TENM1: variants seen among roughly 807,000 people sequenced by gnomAD.
The protein encoded by TENM1 is teneurin transmembrane protein 1.
TENM1 carries 35 observed loss-of-function variants against 174.8 expected under a neutral mutation model. That is an observed-to-expected ratio of 0.20 (90% CI 0.15 to 0.27). The LOEUF (loss-of-function observed/expected upper bound fraction) is 0.27. Among genes scored for constraint, TENM1 ranks in the 10% least tolerant of loss-of-function variants. The probability of loss-of-function intolerance (pLI) is 1.00; values close to 1 mark genes in which losing one functional copy is unlikely to be tolerated. For synonymous variants in TENM1, 781 were observed against 798.7 expected, an observed-to-expected ratio of 0.98 and a Z score of 0.37; for missense variants, 1,633 against 2,130.1, an observed-to-expected ratio of 0.77 and a Z score of 4.59.
At chrX:124,599,981 T>C (rs929645164) in intron 11 of TENM1, among the ~76,000 whole-genome samples, 5 of 109,901 alleles carry the variant, frequency 4.5e-5, no homozygotes, top group African/African-American at 1.7e-4. Context: ...GATATATAAA[T>C]AGATAAAAAG....
chrX:124,396,304 C>CTTTTTTTTTTTTTTTTTT (rs1257692658), intron 27 of TENM1, among the ~76,000 whole-genome samples: 5 of 70,467 alleles, frequency 7.1e-5, no homozygotes, highest in Non-Finnish European at 1.0e-4. Context: ...CTCTCCCAAC[C>CTTTTTTTTTTTTTTTTTT]TTTTTTTTTT....
chrX:124,913,681 A>G (rs1421736346), intron 1 of TENM1, among the ~76,000 whole-genome samples: 1 of 111,967 alleles, frequency 8.9e-6, no homozygotes, highest in Non-Finnish European at 1.9e-5. Flanking sequence ...AAATAAAGAC[A>G]ACAAAATTAT....
chrX:125,056,723 C>A, the TENM1 span, among the ~76,000 whole-genome samples: 4 of 110,934 alleles, frequency 3.6e-5, no homozygotes, highest in African/African-American at 6.6e-5. Context: ...TTCAAATGAA[C>A]TCCAGCTCCG....
chrX:125,137,376 T>C, the TENM1 span, among the ~76,000 whole-genome samples: 2 of 109,635 alleles, frequency 1.8e-5, no homozygotes, highest in Non-Finnish European at 3.8e-5. Flanking sequence ...CATTTTAAAA[T>C]GAGGCCCAGT....
At chrX:125,091,370 G>A in the TENM1 span, among the ~76,000 whole-genome samples, 24 of 111,588 alleles carry the variant, frequency 2.2e-4, no homozygotes, top group Non-Finnish European at 3.6e-4. Context: ...TGGCTATTGG[G>A]TGGAATGAGA....
At chrX:125,196,025 G>C in the TENM1 span, among the ~76,000 whole-genome samples, 1 of 106,105 alleles carries the variant, frequency 9.4e-6, no homozygotes, top group African/African-American at 3.5e-5. Flanking sequence ...AAGGAAGGAA[G>C]GAAGGAAGGA....
intron 22 of TENM1, among the ~76,000 whole-genome samples, chrX:124,466,084 A>G (rs1267239719): frequency 1.8e-5 from 2 of 111,529 alleles, no homozygotes; most frequent in African/African-American, 6.5e-5. Flanking sequence ...AAATAAATAT[A>G]TTTAAAGTAT....
chrX:124,489,100 C>T (rs191200255), intron 20 of TENM1, among the ~76,000 whole-genome samples: 85 of 112,783 alleles, frequency 7.5e-4, no homozygotes, highest in African/African-American at 2.6e-3. Flanking sequence ...CAAAGTCAGT[C>T]TGCTATCTAG....
chrX:124,838,257 T>C (rs997174827), intron 3 of TENM1, among the ~76,000 whole-genome samples: 2 of 112,522 alleles, frequency 1.8e-5, no homozygotes, highest in Admixed American at 9.4e-5. Flanking sequence ...TTTTAGAATT[T>C]GGGCTTGAGT....
At chrX:124,476,011 G>A (rs757923197) in intron 22 of TENM1, among the ~76,000 whole-genome samples, 3 of 111,442 alleles carry the variant, frequency 2.7e-5, no homozygotes, top group South Asian at 3.8e-4. Flanking sequence ...TGGCTTACCC[G>A]TAATTTTGTT....
chrX:124,965,551 C>T (rs889468294), upstream of TENM1, among the ~76,000 whole-genome samples: 1 of 111,671 alleles, frequency 9.0e-6, no homozygotes, highest in Admixed American at 9.5e-5. Context: ...TCCCCCACAC[C>T]GCTAAGTATT....
intron 5 of TENM1, among the ~76,000 whole-genome samples, chrX:124,703,905 A>G (rs1445093069): frequency 8.9e-6 from 1 of 112,339 alleles, no homozygotes; most frequent in Non-Finnish European, 1.9e-5. Flanking sequence ...TAAAAGAGAG[A>G]ATCATGAACA....
the TENM1 span, among the ~76,000 whole-genome samples, chrX:125,201,901 T>A: frequency 8.9e-6 from 1 of 111,761 alleles, no homozygotes. Context: ...TCTCCAGTTA[T>A]GTACTTTGAG....
intron 1 of TENM1, among the ~76,000 whole-genome samples, chrX:124,925,964 T>C (rs890395369): frequency 1.8e-5 from 2 of 112,220 alleles, no homozygotes; most frequent in African/African-American, 6.5e-5. Context: ...CCAATTTTGC[T>C]GGACTTTTCA....
chrX:124,587,132 C>T (rs1198279297), intron 11 of TENM1, among the ~76,000 whole-genome samples: 2 of 108,632 alleles, frequency 1.8e-5, no homozygotes, highest in African/African-American at 6.8e-5. Flanking sequence ...TTTATAGATT[C>T]AATGCCATCC....
chrX:124,752,749 A>T lies in TENM1; in HGVS notation c.536-15552T>A, dbSNP rs752974410. Among the ~76,000 whole-genome samples, 392 of 111,054 alleles carry T rather than the reference A, an allele frequency of 3.5e-3. 2 individuals are homozygous for T. The highest frequency in any genetic ancestry group is 0.012 in the African/African-American group (380 of 30,559). ...TCCCAGCACCATTTATTAAATAGGG[A>T]ATCCTTTCCCCATTGCTTGTTTTTC... On this transcript the variant is annotated intron_variant, in intron 3 of 31. Transcript: ENST00000422452.
At chrX:124,800,807 T>C (rs1271307494) in intron 3 of TENM1, among the ~76,000 whole-genome samples, 1 of 112,123 alleles carries the variant, frequency 8.9e-6, no homozygotes, top group Non-Finnish European at 1.9e-5. Flanking sequence ...GTCTCTTTGT[T>C]CTAATAGGTT....
chrX:124,726,463 C>G (rs1467948046), intron 4 of TENM1, among the ~76,000 whole-genome samples: 1 of 112,124 alleles, frequency 8.9e-6, no homozygotes, highest in South Asian at 3.7e-4. Context: ...TATTCCACAC[C>G]CATCATGTGG....
At chrX:124,594,353 G>A (rs1457396504) in intron 11 of TENM1, among the ~76,000 whole-genome samples, 1 of 111,878 alleles carries the variant, frequency 8.9e-6, no homozygotes, top group Non-Finnish European at 1.9e-5. Context: ...TGTCAGAGGA[G>A]AGTGGACCCC....
Sources: allele counts gnomAD v4.1 joint callset (sites outside exome capture counted in the v4.1 genomes callset), GRCh38; gene constraint gnomAD v4.1.1; transcripts MANE v1.5; gene names NCBI Gene and HGNC (gene_info 2026-07-23, HGNC 2026-07-21).